Variants in OTUD7A observed in about 807,000 individuals in gnomAD.
The protein encoded by OTUD7A is OTU domain-containing protein 7A.
In OTUD7A, 12 loss-of-function variants were observed where a neutral mutation model predicts 65.7. That is an observed-to-expected ratio of 0.18 (90% CI 0.12 to 0.30). The LOEUF (loss-of-function observed/expected upper bound fraction) is 0.30. Among genes scored for constraint, OTUD7A ranks in the 10% least tolerant of loss-of-function variants. The pLI, the probability that OTUD7A is intolerant of heterozygous loss-of-function variation, is 1.00. For missense variants in OTUD7A, 1,148 were observed against 1,304.8 expected (o/e 0.88, Z 1.85); for synonymous variants, 641 against 586.3 (o/e 1.09, Z -1.35).
chr15:31,868,423 C>CA (rs1250402199), intron 1 of OTUD7A, among the ~76,000 whole-genome samples: 7 of 152,162 alleles, frequency 4.6e-5, no homozygotes, highest in African/African-American at 1.4e-4. Flanking sequence ...TCACAGACTC[C>CA]ATTTTCAAAG....
At chr15:31,651,283 T>C (rs1245523235) in intron 3 of OTUD7A, among the ~76,000 whole-genome samples, 1 of 145,224 alleles carries the variant, frequency 6.9e-6, no homozygotes, top group African/African-American at 2.7e-5. Context: ...TATCTATTTA[T>C]TATAAAACGC....
intron 3 of OTUD7A, among the ~76,000 whole-genome samples, chr15:31,646,152 C>T (rs1033007698): frequency 2.0e-5 from 3 of 151,754 alleles, no homozygotes; most frequent in Non-Finnish European, 4.4e-5. Context: ...CTTACGCCCA[C>T]ATTACTGAGT....
At chr15:31,767,731 G>A (rs1366209239) in intron 1 of OTUD7A, 10 of 710,622 alleles carry the variant, frequency 1.4e-5, no homozygotes, top group African/African-American at 7.1e-5. Context: ...TTATTTTCTC[G>A]GCATTTTCCT....
At chr15:31,530,304 T>A (rs1340780873) in intron 6 of OTUD7A, among the ~76,000 whole-genome samples, 2 of 152,352 alleles carry the variant, frequency 1.3e-5, no homozygotes, top group East Asian at 3.9e-4. Context: ...ACCCTGTCCA[T>A]TCCTGCCTTT....
chr15:31,643,219 A>C (rs1234827218), intron 3 of OTUD7A, among the ~76,000 whole-genome samples: 2 of 152,240 alleles, frequency 1.3e-5, no homozygotes. Context: ...TCCTGGGCTC[A>C]AGCAATAATT....
At chr15:31,860,729 G>A (rs1414919701) in intron 1 of OTUD7A, among the ~76,000 whole-genome samples, 22 of 87,358 alleles carry the variant, frequency 2.5e-4, no homozygotes, top group South Asian at 1.1e-3. Flanking sequence ...TTTTTGGGAC[G>A]GAGTTTCGCT....
intron 1 of OTUD7A, among the ~76,000 whole-genome samples, chr15:31,838,228 G>A (rs926554729): frequency 6.6e-6 from 1 of 152,236 alleles, no homozygotes; most frequent in Non-Finnish European, 1.5e-5. Context: ...TCTTAGATGT[G>A]ACGCTAGTCA....
intron 1 of OTUD7A, among the ~76,000 whole-genome samples, chr15:31,820,901 G>C (rs1273557729): frequency 6.6e-6 from 1 of 151,910 alleles, no homozygotes; most frequent in East Asian, 1.9e-4. Context: ...TCTAATTCTA[G>C]AGCATTTTCA....
intron 1 of OTUD7A, among the ~76,000 whole-genome samples, chr15:31,801,700 G>C (rs1896129562): frequency 6.6e-6 from 1 of 152,110 alleles, no homozygotes; most frequent in African/African-American, 2.4e-5. Flanking sequence ...GAAATATGAG[G>C]TTTACTATTA....
At chr15:31,811,462 G>A (rs1165281561) in intron 1 of OTUD7A, among the ~76,000 whole-genome samples, 1 of 151,912 alleles carries the variant, frequency 6.6e-6, no homozygotes, top group Non-Finnish European at 1.5e-5. Context: ...TATGTATGGT[G>A]TAGTGTCTGT....
At chr15:31,539,229 TTC>T (rs909611619) in intron 5 of OTUD7A, among the ~76,000 whole-genome samples, 1 of 152,120 alleles carries the variant, frequency 6.6e-6, no homozygotes, top group African/African-American at 2.4e-5. Flanking sequence ...CCCTTGAGCT[TTC>T]TCTCTCCCCA....
chr15:31,718,653 C>T (rs917887536), intron 1 of OTUD7A, among the ~76,000 whole-genome samples: 1 of 142,036 alleles, frequency 7.0e-6, no homozygotes, highest in African/African-American at 2.5e-5. Context: ...ATGGCACCAC[C>T]CACTTATTGG....
intron 10 of OTUD7A, among the ~76,000 whole-genome samples, chr15:31,500,752 C>T (rs2041455358): frequency 6.6e-6 from 1 of 152,236 alleles, no homozygotes; most frequent in Non-Finnish European, 1.5e-5. Flanking sequence ...GAGCTTCCTT[C>T]CCCCTGTTGG....
intron 1 of OTUD7A, among the ~76,000 whole-genome samples, chr15:31,661,656 C>T (rs910739009): frequency 1.8e-4 from 27 of 152,180 alleles, no homozygotes; most frequent in African/African-American, 6.5e-4. Context: ...ATTTCATCCA[C>T]AACTACTTCC....
intron 1 of OTUD7A, among the ~76,000 whole-genome samples, chr15:31,748,542 C>T (rs911901827): frequency 1.3e-5 from 2 of 151,770 alleles, no homozygotes; most frequent in Non-Finnish European, 2.9e-5. Flanking sequence ...ATATGGGGTC[C>T]TTTGTGTCAT....
chr15:31,567,287 C>T (rs1888905549), intron 4 of OTUD7A, among the ~76,000 whole-genome samples: 1 of 152,224 alleles, frequency 6.6e-6, no homozygotes, highest in African/African-American at 2.4e-5. Context: ...AGCTCAGCTG[C>T]ATTCTGTTCA....
At chr15:31,552,412 A>T (rs1299482036) in intron 5 of OTUD7A, among the ~76,000 whole-genome samples, 1 of 152,258 alleles carries the variant, frequency 6.6e-6, no homozygotes, top group Non-Finnish European at 1.5e-5. Context: ...GTATTTGGTC[A>T]CAATTTAAAT....
chr15:31,604,036 C>T (rs1378860987), intron 3 of OTUD7A, among the ~76,000 whole-genome samples: 3 of 152,156 alleles, frequency 2.0e-5, no homozygotes, highest in African/African-American at 7.2e-5. Flanking sequence ...GACAGTGTGG[C>T]GATTCCTCAA....
intron 3 of OTUD7A, among the ~76,000 whole-genome samples, chr15:31,588,342 C>G (rs1425891059): frequency 6.6e-6 from 1 of 152,168 alleles, no homozygotes; most frequent in Admixed American, 6.5e-5. Flanking sequence ...ATATTGACTA[C>G]AGGTGCAGAC....
Sources: gnomAD v4.1 joint callset for allele counts (sites outside exome capture counted in the v4.1 genomes callset) on GRCh38, gnomAD v4.1.1 for gene constraint, MANE v1.5 for transcripts, NCBI Gene and HGNC (gene_info 2026-07-23, HGNC 2026-07-21) for gene names.